Variants in DDHD2 observed in about 807,000 individuals in gnomAD.
The protein encoded by DDHD2 is triacylglycerol hydrolase DDHD2.
In DDHD2, 62 loss-of-function variants were observed where a neutral mutation model predicts 91.2. The observed-to-expected ratio is 0.68, with a 90% CI of 0.55 to 0.84. The LOEUF (loss-of-function observed/expected upper bound fraction) is 0.84. Ranked by LOEUF, DDHD2 falls within the 40% of genes least tolerant of loss-of-function variation. The pLI, the probability that DDHD2 is intolerant of heterozygous loss-of-function variation, is 0.00. For synonymous variants in DDHD2, 271 were observed against 293.9 expected (o/e 0.92, Z 0.80); for missense variants, 740 against 846.9 (o/e 0.87, Z 1.57).
intron 3 of DDHD2, among the ~76,000 whole-genome samples, chr8:38,235,536 A>G (rs532705785): frequency 7.2e-5 from 11 of 151,894 alleles, no homozygotes; most frequent in African/African-American, 2.7e-4. Flanking sequence ...AGCCTGACCA[A>G]CATGGAGAAA....
intron 16 of DDHD2, among the ~76,000 whole-genome samples, chr8:38,257,138 T>C (rs538271567): frequency 2.0e-5 from 3 of 152,154 alleles, no homozygotes; most frequent in South Asian, 2.1e-4. Flanking sequence ...TTTGCCATGT[T>C]GCCCAGGCTG....
Position 38,269,224 on chromosome 8 carries a change from T to A in DDHD2, n.88-1898T>A, listed in dbSNP as rs1808317359. 2.7e-6 allele frequency: 4 copies of A among 1,468,078 alleles called. No individual in the cohort carries two copies. The East Asian group carries it at 8.6e-5, about 32-fold the overall frequency. The allele number at this position is 1,468,078 out of a possible 1,614,324, so 90.9% of individuals were successfully genotyped here. The stretch of plus-strand genomic sequence containing the variant: ...TCCGGCCGCGAGCTCCGAGCGACGC[T>A]GCGCTGACGTGGCCACCTCCGCGGG... On this transcript the variant is annotated intron_variant and non_coding_transcript_variant, in intron 1 of 1. Transcript: ENST00000526071.
intron 1 of DDHD2, chr8:38,268,735 A>T (rs1808146604): frequency 7.0e-7 from 1 of 1,430,628 alleles, no homozygotes. Context: ...GATCTTAAAC[A>T]CTCGAGCCCT....
At chr8:38,253,186 G>A (rs530962820) in intron 15 of DDHD2, 59 bp downstream of exon 15, 53 of 1,419,246 alleles carry the variant, frequency 3.7e-5, no homozygotes, top group Middle Eastern at 3.6e-4. Context: ...ATGGTGTGGC[G>A]TTTTTCATAG....
chr8:38,266,945 A>G (rs778308829), downstream of DDHD2: 181 of 844,104 alleles, frequency 2.1e-4, no homozygotes, highest in Non-Finnish European at 2.7e-4. Context: ...TAGGTAAGAA[A>G]TGAAAATGCT....
At chr8:38,244,709 T>G (rs1261687080) in intron 7 of DDHD2, among the ~76,000 whole-genome samples, 9 of 151,832 alleles carry the variant, frequency 5.9e-5, no homozygotes, top group African/African-American at 2.2e-4. Flanking sequence ...GGGGTAAAGG[T>G]GCACATCACC....
intron 1 of DDHD2, among the ~76,000 whole-genome samples, chr8:38,232,455 A>G (rs868837938): frequency 5.3e-5 from 8 of 152,330 alleles, no homozygotes; most frequent in South Asian, 2.1e-4. Context: ...CCCAATTTGT[A>G]CCACCACCCA....
downstream of DDHD2, chr8:38,266,230 G>A (rs542608468): frequency 1.9e-6 from 3 of 1,613,850 alleles, no homozygotes; most frequent in Non-Finnish European, 2.5e-6. Flanking sequence ...GAACCTCCAA[G>A]ATTTCCCACG....
chr8:38,268,596 A>C (rs1242041980), intron 1 of DDHD2: 1 of 1,453,904 alleles, frequency 6.9e-7, no homozygotes, highest in Non-Finnish European at 9.0e-7. Context: ...ACCGGGCGCC[A>C]GGCAGCGCCA....
At chr8:38,232,585 G>A (rs902998922) in intron 1 of DDHD2, among the ~76,000 whole-genome samples, 6 of 152,222 alleles carry the variant, frequency 3.9e-5, no homozygotes, top group African/African-American at 1.4e-4. Context: ...AAACCTTGGC[G>A]TTACTAGGAC....
At chr8:38,272,758 A>C (rs1274642022), downstream of DDHD2, 1 of 152,248 alleles carries the variant, frequency 6.6e-6, no homozygotes, top group Non-Finnish European at 1.5e-5. Flanking sequence ...CCACATATAG[A>C]TTTAAAAGTT....
Position 38,232,977 on chromosome 8 carries a change from T to C in DDHD2, c.-8-10T>C, listed in dbSNP as rs562818441. 4 of 1,607,526 alleles carry C rather than the reference T, an allele frequency of 2.5e-6. No homozygotes were observed. Among genetic ancestry groups the C allele is most frequent in the East Asian group, 2.2e-5 (1 of 44,824 alleles). ...AGTTCGTTTTCCTGATAGTTTTCTT[T>C]TGTCTTTAGAGAGCGAAATGTCATC... On this transcript the variant is annotated splice_polypyrimidine_tract_variant and intron_variant, in intron 1 of 17. Transcript: ENST00000397166.
chr8:38,252,736 C>T lies in DDHD2; in HGVS notation c.1632C>T (p.Ala544=). Residue 544 remains alanine, a synonymous_variant, in exon 14 of 18, where the codon GCC becomes GCT. Transcript: ENST00000397166. ...FNIYHPFDPV[A]YRIEPMVVPG... is the part of the protein sequence containing the mutation. ...TTCCTATGTAGTTTGATCCTGTGGCCTATAGGATTGAACCAATGGTGGTCC... is the reference window on the plus strand; with the variant it reads ...TTCCTATGTAGTTTGATCCTGTGGCTTATAGGATTGAACCAATGGTGGTCC... 2.5e-6 allele frequency: 4 copies of T among 1,613,506 alleles called. No individual in the cohort carries two copies. The highest frequency in any genetic ancestry group is 3.4e-6 in the Non-Finnish European group (4 of 1,179,600).
At chr8:38,249,908 G>A in intron 11 of DDHD2, 105 bp downstream of exon 11, 1 of 690,928 alleles carries the variant, frequency 1.4e-6, no homozygotes. Flanking sequence ...CAGTTTTTTG[G>A]TAATTGATCT....
intron 16 of DDHD2, among the ~76,000 whole-genome samples, chr8:38,255,631 T>G (rs375275356): frequency 6.6e-6 from 1 of 152,342 alleles, no homozygotes; most frequent in East Asian, 1.9e-4. Flanking sequence ...GGCAATGTTC[T>G]GTGCCTTGTT....
chr8:38,252,322 A>G, intron 13 of DDHD2, 35 bp downstream of exon 13: 1 of 1,568,084 alleles, frequency 6.4e-7, no homozygotes, highest in East Asian at 2.3e-5. Flanking sequence ...TTTTACCTAA[A>G]TATCAGGGCT....
intron 16 of DDHD2, among the ~76,000 whole-genome samples, chr8:38,254,362 T>G (rs904258663): frequency 3.9e-5 from 6 of 152,112 alleles, no homozygotes; most frequent in African/African-American, 1.4e-4. Flanking sequence ...TTATGGTAGC[T>G]GTGACAGAAT....
chr8:38,265,948 T>A (rs1398926054), downstream of DDHD2, among the ~76,000 whole-genome samples: 2 of 152,266 alleles, frequency 1.3e-5, no homozygotes, highest in East Asian at 1.9e-4. Flanking sequence ...AAAATTAGGA[T>A]GTTTATCTTT....
downstream of DDHD2, chr8:38,267,098 C>A: frequency 6.8e-7 from 1 of 1,462,626 alleles, no homozygotes; most frequent in East Asian, 2.5e-5. Context: ...TAATATTTAC[C>A]CAAATAGTCA....
Sources: allele counts gnomAD v4.1 joint callset (sites outside exome capture counted in the v4.1 genomes callset), GRCh38; gene constraint gnomAD v4.1.1; transcripts MANE v1.5; gene names NCBI Gene and HGNC (gene_info 2026-07-23, HGNC 2026-07-21).